Variants in RHBDL2 observed in about 807,000 individuals in gnomAD.
The protein encoded by RHBDL2 is rhomboid like 2.
Under a neutral mutation model 31.7 loss-of-function variants are expected in RHBDL2, and 26 were observed. That is an observed-to-expected ratio of 0.82 (90% confidence interval 0.60 to 1.14). RHBDL2 has a LOEUF of 1.14. RHBDL2 is among the 50% of genes most tolerant of loss of function. The probability of loss-of-function intolerance (pLI) is 0.00; values close to 1 mark genes in which losing one functional copy is unlikely to be tolerated. For synonymous variants in RHBDL2, 123 were observed against 127.2 expected (o/e 0.97, Z 0.22); for missense variants, 336 against 364.4 (o/e 0.92, Z 0.63).
chr1:38,912,406 G>A (rs1033010298), intron 3 of RHBDL2, among the ~76,000 whole-genome samples: 5 of 143,980 alleles, frequency 3.5e-5, no homozygotes, highest in African/African-American at 5.1e-5. Flanking sequence ...CGCCTGGCCC[G>A]TTTTTTTTTT....
chr1:38,921,168 G>C (rs1205758303), intron 1 of RHBDL2, among the ~76,000 whole-genome samples: 2 of 152,190 alleles, frequency 1.3e-5, no homozygotes, highest in Non-Finnish European at 2.9e-5. Context: ...CATCACTTGA[G>C]GTCAGGAGTT....
chr1:38,897,622 A>G (rs61780049), intron 4 of RHBDL2, among the ~76,000 whole-genome samples: 26,802 of 152,070 alleles, frequency 0.18, 2,573 homozygotes, highest in East Asian at 0.29. Flanking sequence ...GGCTGAGCCA[A>G]TAGGATCACT....
chr1:38,892,463 C>T (rs1015560077), intron 6 of RHBDL2, among the ~76,000 whole-genome samples: 6 of 152,092 alleles, frequency 3.9e-5, no homozygotes, highest in African/African-American at 1.2e-4. Context: ...CATAAAGATA[C>T]TAAAAGCCAA....
chr1:38,904,722 T>C (rs1410816669), intron 4 of RHBDL2, among the ~76,000 whole-genome samples: 1 of 149,068 alleles, frequency 6.7e-6, no homozygotes, highest in Non-Finnish European at 1.5e-5. Flanking sequence ...ACTATATATA[T>C]AGTAAAACAT....
intron 4 of RHBDL2, among the ~76,000 whole-genome samples, chr1:38,896,695 T>A (rs1206096658): frequency 6.6e-6 from 1 of 152,160 alleles, no homozygotes; most frequent in Non-Finnish European, 1.5e-5. Flanking sequence ...CAACATACGA[T>A]CCAATCAGAT....
At chr1:38,935,820 C>T (rs1385227260) in intron 1 of RHBDL2, among the ~76,000 whole-genome samples, 1 of 152,002 alleles carries the variant, frequency 6.6e-6, no homozygotes, top group Non-Finnish European at 1.5e-5. Context: ...AGCCATGTCG[C>T]CCATGCTGGT....
chr1:38,895,822 A>G, intron 5 of RHBDL2, 147 bp downstream of exon 5: 2 of 610,274 alleles, frequency 3.3e-6, no homozygotes, highest in Non-Finnish European at 5.9e-6. Context: ...GAAAGAAAAG[A>G]AAGGAAACAA....
At chr1:38,891,478 G>A (rs1051821538) in intron 6 of RHBDL2, among the ~76,000 whole-genome samples, 1 of 152,082 alleles carries the variant, frequency 6.6e-6, no homozygotes, top group Non-Finnish European at 1.5e-5. Flanking sequence ...TGAAGACCCC[G>A]TATCTCAGGT....
Position 38,886,656 on chromosome 1 carries a change from C to T in RHBDL2, c.760G>A (p.Gly254Arg), listed in dbSNP as rs768045711. ...PVSFAAHIAG[G>R]FAGMSIGYTV... ...TAGCCAATGGACATTCCAGCAAATC[C>T]ACCTGCAATGTGAGCTGCAAAAGAC... Residue 254 changes from glycine (G) to arginine (R), a missense_variant, in exon 8 of 8, where the codon GGA becomes AGA. Gly to Arg is a moderately radical substitution (Grantham distance 125). Coordinates refer to ENST00000372990, the MANE Select transcript of RHBDL2 (RefSeq NM_017821.5). 1.3e-5 allele frequency: 21 copies of T among 1,563,878 alleles called. No individual in the cohort carries two copies. Among genetic ancestry groups the T allele is most frequent in the Non-Finnish European group, 1.7e-5 (19 of 1,150,136 alleles).
Position 38,886,373 on chromosome 1 carries a change from A to T in RHBDL2, c.*131T>A. 1.8e-6 allele frequency: 1 copy of T among 561,048 alleles called. No individual in the cohort carries two copies. Among genetic ancestry groups the T allele is most frequent in the Non-Finnish European group, 2.8e-6 (1 of 351,344 alleles). The allele number at this position is 561,048 out of a possible 1,614,324, so 34.8% of individuals were successfully genotyped here. A position where few individuals can be genotyped will look rare whatever the true frequency, so the allele number is the denominator to read the frequency against. ...GGCAATCTTTGCAACTGATGAGTTTAATGCTGTTTTGTCCTCTATATAAAA... is the reference window on the plus strand; with the variant it reads ...GGCAATCTTTGCAACTGATGAGTTTTATGCTGTTTTGTCCTCTATATAAAA... On this transcript the variant is annotated 3_prime_UTR_variant, in exon 8 of 8. Transcript: ENST00000372990.
chr1:38,909,066 G>A (rs185618263), intron 4 of RHBDL2, among the ~76,000 whole-genome samples: 1 of 152,248 alleles, frequency 6.6e-6, no homozygotes, highest in Admixed American at 6.5e-5. Context: ...GCCTGCTGGC[G>A]TGCTGGCGTC....
chr1:38,931,950 T>G (rs1170201858), intron 1 of RHBDL2, among the ~76,000 whole-genome samples: 3 of 152,212 alleles, frequency 2.0e-5, no homozygotes, highest in African/African-American at 7.2e-5. Flanking sequence ...TCTCCTCTCC[T>G]TAAGTCTGGG....
rs1272694550 is a variant in RHBDL2, at chr1:38,885,837, G to T, written c.*667C>A. 6.6e-6 allele frequency: 1 copy of T among 152,620 alleles called. No homozygotes were observed. Among genetic ancestry groups the T allele is most frequent in the Non-Finnish European group, 1.5e-5 (1 of 68,034 alleles). The allele number at this position is 152,620 out of a possible 1,614,324, so 9.5% of individuals were successfully genotyped here. A position where few individuals can be genotyped will look rare whatever the true frequency, so the allele number is the denominator to read the frequency against. On this transcript the variant is annotated 3_prime_UTR_variant, in exon 8 of 8. Transcript: ENST00000372990. ...ATAAAAAGTTTTTATTATCAGCATT[G>T]TACAGTATTCATAGATTTTATGAAG...
chr1:38,929,606 C>T lies in RHBDL2; in HGVS notation c.-125-10269G>A, dbSNP rs1375703608. On this transcript the variant is annotated intron_variant, in intron 1 of 7. Coordinates refer to ENST00000372990, the MANE Select transcript of RHBDL2 (RefSeq NM_017821.5). ...GGCAGGCCCCTGCCGGGGCTGAGAC[C>T]CGCCTTGATGTGGCTGGGGAGCTCA... 3.9e-6 allele frequency: 5 copies of T among 1,270,812 alleles called. No individual in the cohort carries two copies. In the East Asian group the frequency reaches 2.2e-4, roughly 57 times the overall value. The allele number at this position is 1,270,812 out of a possible 1,614,324, so 78.7% of individuals were successfully genotyped here. A position where few individuals can be genotyped will look rare whatever the true frequency, so the allele number is the denominator to read the frequency against.
intron 1 of RHBDL2, among the ~76,000 whole-genome samples, chr1:38,921,003 G>A (rs1385345761): frequency 6.6e-6 from 1 of 152,146 alleles, no homozygotes; most frequent in Admixed American, 6.5e-5. Context: ...TTAATTCTAT[G>A]TTTAACTTGT....
intron 3 of RHBDL2, among the ~76,000 whole-genome samples, chr1:38,911,654 G>T (rs867831520): frequency 1.3e-5 from 2 of 151,042 alleles, no homozygotes; most frequent in Admixed American, 1.3e-4. Flanking sequence ...GTGCGCGCGC[G>T]CGCGCGTGTG....
intron 4 of RHBDL2, among the ~76,000 whole-genome samples, chr1:38,907,790 A>G (rs1440901076): frequency 6.6e-6 from 1 of 152,208 alleles, no homozygotes; most frequent in African/African-American, 2.4e-5. Context: ...AATTTTTAGA[A>G]GATAACATTG....
chr1:38,910,100 CA>C (rs139729807), intron 4 of RHBDL2, among the ~76,000 whole-genome samples: 3,064 of 152,282 alleles, frequency 0.02, 110 homozygotes, highest in African/African-American at 0.066. Flanking sequence ...ATCAATCCCA[CA>C]AGGGTATATA....
Position 38,901,605 on chromosome 1 carries a change from G to A in RHBDL2, c.509-5536C>T, listed in dbSNP as rs532313646. Among the ~76,000 whole-genome samples, 8 of 151,988 alleles carry A rather than the reference G, an allele frequency of 5.3e-5. No individual in the cohort carries two copies. In the East Asian group the frequency reaches 1.5e-3, roughly 29 times the overall value. On this transcript the variant is annotated intron_variant, in intron 4 of 7. Transcript: ENST00000372990. Reference sequence around the variant, plus strand: ...AATCCCAGCACTTTGGGAGGCCGAGGCCAGTGGATCACCTGAGGTCAGGAG... The same window carrying A: ...AATCCCAGCACTTTGGGAGGCCGAGACCAGTGGATCACCTGAGGTCAGGAG...
Sources: gnomAD v4.1 joint callset for allele counts (sites outside exome capture counted in the v4.1 genomes callset) on GRCh38, gnomAD v4.1.1 for gene constraint, MANE v1.5 for transcripts, NCBI Gene and HGNC (gene_info 2026-07-23, HGNC 2026-07-21) for gene names.